KIFC3: variants seen among roughly 807,000 people sequenced by gnomAD.
KIFC3 encodes the protein kinesin-like protein KIFC3.
In KIFC3, 60 loss-of-function variants were observed where a neutral mutation model predicts 101.8. The observed-to-expected ratio is 0.59, with a 90% CI of 0.48 to 0.73. The LOEUF is 0.73. KIFC3 is among the 30% of genes least tolerant of loss of function. The pLI, the probability that KIFC3 is intolerant of heterozygous loss-of-function variation, is 0.00. For missense variants in KIFC3, 966 were observed against 1,137.1 expected (o/e 0.85, Z 2.16); for synonymous variants, 476 against 482.7 (o/e 0.99, Z 0.18).
Position 57,769,973 on chromosome 16 carries a change from A to C in KIFC3, c.940-18T>G. ...ATGGCAATCTGGCCAGACCAGGAAA[A>C]GGCTCAGTACCTCGAGGTGCGGGAG... On this transcript the variant is annotated intron_variant, in intron 7 of 19. Transcript: ENST00000445690. This position sits in a 1 kb window ranked among gnomAD's most constrained non-coding sequence, Gnocchi z 4.3. 1 of 1,608,072 alleles carries C rather than the reference A, an allele frequency of 6.2e-7. No individual in the cohort carries two copies. The highest frequency in any genetic ancestry group is 8.5e-7 in the Non-Finnish European group (1 of 1,179,262).
chr16:57,842,695 A>T (rs768735538), intron 1 of KIFC3, among the ~76,000 whole-genome samples: 12 of 152,168 alleles, frequency 7.9e-5, no homozygotes, highest in Non-Finnish European at 1.6e-4. Flanking sequence ...TAACATCCTA[A>T]TAATAGCCCA....
chr16:57,832,476 G>A (rs1352521391), intron 1 of KIFC3, among the ~76,000 whole-genome samples: 1 of 151,564 alleles, frequency 6.6e-6, no homozygotes, highest in African/African-American at 2.4e-5. Context: ...CATCATACCC[G>A]GCTAATTTTT....
At chr16:57,826,563 G>A (rs1318072930) in intron 1 of KIFC3, among the ~76,000 whole-genome samples, 1 of 152,014 alleles carries the variant, frequency 6.6e-6, no homozygotes, top group East Asian at 1.9e-4. Flanking sequence ...GTTCTTTCTC[G>A]AGAAACAAAC....
chr16:57,761,294 CAGAG>C, intron 14 of KIFC3, 115 bp downstream of exon 14: 3 of 1,580,408 alleles, frequency 1.9e-6, no homozygotes, highest in East Asian at 2.2e-5. Context: ...AACTGAGGCT[CAGAG>C]AGGCGTGCGG....
At chr16:57,808,844 C>T (rs1555627406) in intron 1 of KIFC3, among the ~76,000 whole-genome samples, 2 of 152,218 alleles carry the variant, frequency 1.3e-5, no homozygotes, top group Non-Finnish European at 2.9e-5. Context: ...TAGTGTCTAA[C>T]CCATTGAGTT....
chr16:57,800,645 T>C (rs1255760768), intron 1 of KIFC3, among the ~76,000 whole-genome samples: 3 of 152,140 alleles, frequency 2.0e-5, no homozygotes, highest in Non-Finnish European at 4.4e-5. Context: ...ATAGCGTTTC[T>C]GCGGTTATCA....
intron 18 of KIFC3, 83 bp downstream of exon 18, chr16:57,759,645 A>C (rs1248397328): frequency 9.6e-7 from 1 of 1,040,712 alleles, no homozygotes; most frequent in Non-Finnish European, 1.4e-6. Context: ...AGGAAAGAAA[A>C]GAGAAAGCCC....
intron 6 of KIFC3, 78 bp from the exon 7 acceptor site, chr16:57,770,778 A>G (rs782192021): frequency 1.4e-4 from 168 of 1,229,564 alleles, no homozygotes; most frequent in Middle Eastern, 2.0e-4. Flanking sequence ...GCAGCAGGCC[A>G]GGGGAAGGAA....
rs539390630 is a variant in KIFC3 at position 57,812,998 on chromosome 16, A to G, written c.109-14716T>C. Among the ~76,000 whole-genome samples, 31 of 152,294 alleles carry G rather than the reference A, an allele frequency of 2.0e-4. No individual in the cohort carries two copies. The East Asian group carries it at 6.0e-3, about 29-fold the overall frequency. On this transcript the variant is annotated intron_variant, in intron 1 of 2. Coordinates refer to the KIFC3 transcript ENST00000563028. ...ACTGGCCAATAAGAGGCAGGAGCTC[A>G]TTCCACTTGTACTGTTTAGGCAACT...
intron 3 of KIFC3, among the ~76,000 whole-genome samples, chr16:57,793,617 T>TC (rs1213217883): frequency 6.8e-6 from 1 of 148,124 alleles, no homozygotes; most frequent in Non-Finnish European, 1.5e-5. Context: ...AAAAAAGAGT[T>TC]CAAGACCAGC....
chr16:57,764,262 GGAGGGAGGCTGGT>G lies in KIFC3; in HGVS notation c.1513-28_1513-16del. 2 of 1,509,412 alleles carry G rather than the reference GGAGGGAGGCTGGT, an allele frequency of 1.3e-6. No individual in the cohort carries two copies. Among genetic ancestry groups the G allele is most frequent in the East Asian group, 2.3e-5 (1 of 42,660 alleles). The allele number at this position is 1,509,412 out of a possible 1,614,324, so 93.5% of individuals were successfully genotyped here. ...TCCTGGAACACCTGGGAGGGTGGTG[GGAGGGAGGCTGGT>G]GGGGGGGCTTCCAGGGCCGCTGGGA... On this transcript the variant is annotated splice_polypyrimidine_tract_variant and intron_variant, in intron 11 of 19. Transcript: ENST00000445690.
Position 57,795,013 on chromosome 16 carries a change from A to G in KIFC3, c.301T>C (p.Tyr101His). ...WAGPGSPHGL[Y>H]LTLQVEHLKE... Reference sequence around the variant, plus strand: ...CCAGTGCTTACCTGCAGGGTCAGGTAGAGCCCGTGGGGGCTTCCGGGGCCA... The same window carrying G: ...CCAGTGCTTACCTGCAGGGTCAGGTGGAGCCCGTGGGGGCTTCCGGGGCCA... Residue 101 changes from tyrosine to histidine, a missense_variant, in exon 3 of 20, where the codon TAC (tyrosine) becomes CAC (histidine). Physicochemically the swap from Tyr to His is moderately conservative, Grantham distance 83. Transcript: ENST00000445690. 6.3e-7 allele frequency: 1 copy of G among 1,592,144 alleles called. No individual in the cohort carries two copies. The highest frequency in any genetic ancestry group is 8.5e-7 in the Non-Finnish European group (1 of 1,172,812).
At chr16:57,828,376 C>A (rs1281259828) in intron 1 of KIFC3, among the ~76,000 whole-genome samples, 2 of 152,254 alleles carry the variant, frequency 1.3e-5, no homozygotes, top group Non-Finnish European at 2.9e-5. Context: ...GAAACCCAGG[C>A]CCTCTCTGGG....
In KIFC3 at chr16:57,862,408, G is replaced by A. The variant is rs559849352; in HGVS notation, c.108+321C>T. ...CTGGAATTTTCCATTTAATATTTTT[G>A]GACCTTGGTTGACCGAGGGTTACTG... On this transcript the variant is annotated intron_variant, in intron 1 of 2. Transcript: ENST00000563028. Among the ~76,000 whole-genome samples the A allele has an allele frequency of 1.4e-4, 21 of 152,032 alleles. No individual in the cohort carries two copies. The South Asian group carries it at 3.9e-3, about 29-fold the overall frequency.
rs1191280843 is a variant in KIFC3 at position 57,772,081 on chromosome 16, A to AT, written c.381+141dup. On this transcript the variant is annotated intron_variant, in intron 4 of 19. Transcript: ENST00000445690. ...CCTCTGAGGGTACTAGGAGGTGGGG[A>AT]TAAGGCTCTCGGTGTGTTTCTGAGA... 90 of 733,806 alleles carry AT rather than the reference A, an allele frequency of 1.2e-4. No individual in the cohort carries two copies. In the Middle Eastern group the frequency reaches 2.4e-3, roughly 20 times the overall value. The allele number at this position is 733,806 out of a possible 1,614,324, so 45.5% of individuals were successfully genotyped here. A position where few individuals can be genotyped will look rare whatever the true frequency, so the allele number is the denominator to read the frequency against.
At chr16:57,809,929 G>A (rs1843462963) in intron 1 of KIFC3, among the ~76,000 whole-genome samples, 1 of 152,148 alleles carries the variant, frequency 6.6e-6, no homozygotes, top group South Asian at 2.1e-4. Flanking sequence ...TCTGCCAGGT[G>A]CTCAGGCCGG....
intron 1 of KIFC3, among the ~76,000 whole-genome samples, chr16:57,800,107 G>C (rs1555625019): frequency 6.8e-6 from 1 of 146,638 alleles, no homozygotes; most frequent in African/African-American, 2.6e-5. Context: ...GCATTGAGAG[G>C]CAAAAATAAA....
At chr16:57,759,618 G>A (rs1463296522) in intron 18 of KIFC3, 110 bp downstream of exon 18, 18 of 804,820 alleles carry the variant, frequency 2.2e-5, no homozygotes, top group African/African-American at 2.1e-4. Flanking sequence ...TGGAGAAGGT[G>A]TAAGAACTTT....
At chr16:57,761,673 C>T in intron 13 of KIFC3, 137 bp from the exon 14 acceptor site, 1 of 880,130 alleles carries the variant, frequency 1.1e-6, no homozygotes, top group Non-Finnish European at 1.8e-6. Flanking sequence ...ATCTCTCCTC[C>T]TCCAGCTCCT....
Sources: gnomAD v4.1 joint callset for allele counts (sites outside exome capture counted in the v4.1 genomes callset) on GRCh38, gnomAD v4.1.1 for gene constraint, Gnocchi (gnomAD v3.1) non-coding constraint, MANE v1.5 for transcripts, NCBI Gene and HGNC (gene_info 2026-07-23, HGNC 2026-07-21) for gene names.